PAIP2: variants seen among roughly 807,000 people sequenced by gnomAD.
PAIP2 encodes poly(A) binding protein interacting protein 2.
Under a neutral mutation model 14.8 loss-of-function variants are expected in PAIP2, and 7 were observed. The observed-to-expected ratio is 0.47, with a 90% CI of 0.27 to 0.89. PAIP2 has a LOEUF of 0.89. PAIP2 is among the 40% of genes least tolerant of loss of function. The probability of loss-of-function intolerance (pLI) is 0.13; values close to 1 mark genes in which losing one functional copy is unlikely to be tolerated. For synonymous variants in PAIP2, 47 were observed against 45.3 expected (o/e 1.04, Z -0.15); for missense variants, 122 against 154.7 (o/e 0.79, Z 1.12).
intron 1 of PAIP2, among the ~76,000 whole-genome samples, chr5:139,346,139 A>G (rs549199322): frequency 1.7e-4 from 26 of 152,376 alleles, no homozygotes; most frequent in African/African-American, 6.3e-4. Flanking sequence ...GCTGACTTCC[A>G]GGCAGTAGTA....
chr5:139,347,227 T>G (rs1439092855), intron 1 of PAIP2, among the ~76,000 whole-genome samples: 1 of 151,268 alleles, frequency 6.6e-6, no homozygotes, highest in African/African-American at 2.4e-5. Flanking sequence ...TACAACTAAT[T>G]TTTTTTTTAG....
chr5:139,353,813 G>A (rs1193613218), intron 1 of PAIP2, among the ~76,000 whole-genome samples: 2 of 151,298 alleles, frequency 1.3e-5, no homozygotes, highest in Non-Finnish European at 2.9e-5. Context: ...TCTGCCTCCC[G>A]GGTTCCAGCA....
At chr5:139,360,836 A>C (rs184893213) in intron 1 of PAIP2, among the ~76,000 whole-genome samples, 1,615 of 151,198 alleles carry the variant, frequency 0.011, 20 homozygotes, top group Non-Finnish European at 0.018. Context: ...GCTGAAGTGC[A>C]GTGATGTGAT....
At chr5:139,357,830 C>T (rs1480123174) in intron 1 of PAIP2, among the ~76,000 whole-genome samples, 1 of 151,968 alleles carries the variant, frequency 6.6e-6, no homozygotes, top group African/African-American at 2.4e-5. Context: ...GATTCCATCT[C>T]AAAAAAATAA....
intron 3 of PAIP2, among the ~76,000 whole-genome samples, chr5:139,366,236 G>A (rs1411255791): frequency 6.6e-6 from 1 of 151,330 alleles, no homozygotes; most frequent in Non-Finnish European, 1.5e-5. Flanking sequence ...CGGGGTGGGG[G>A]GAATTGTGAT....
chr5:139,352,192 A>T (rs866009883), intron 1 of PAIP2, among the ~76,000 whole-genome samples: 2 of 126,266 alleles, frequency 1.6e-5, no homozygotes, highest in Non-Finnish European at 3.8e-5. Context: ...ACACCAAAAC[A>T]CTTCTGGTTC....
chr5:139,362,403 G>GGGT (rs1757092539), intron 1 of PAIP2, among the ~76,000 whole-genome samples: 1 of 123,600 alleles, frequency 8.1e-6, no homozygotes, highest in Non-Finnish European at 1.7e-5. Flanking sequence ...TTGTTTTTGG[G>GGGT]TGTTTTTTTT....
chr5:139,366,704 C>G (rs1308768762), intron 3 of PAIP2, among the ~76,000 whole-genome samples: 1 of 152,120 alleles, frequency 6.6e-6, no homozygotes, highest in Non-Finnish European at 1.5e-5. Context: ...CTGGTTTGTT[C>G]TTCTCAGTCT....
chr5:139,346,763 C>T (rs953906601), intron 1 of PAIP2, among the ~76,000 whole-genome samples: 2 of 152,018 alleles, frequency 1.3e-5, no homozygotes, highest in African/African-American at 4.8e-5. Flanking sequence ...CTCTTGACCT[C>T]GTGATCCACC....
At chr5:139,353,926 TG>T (rs1382495312) in intron 1 of PAIP2, among the ~76,000 whole-genome samples, 8 of 152,180 alleles carry the variant, frequency 5.3e-5, no homozygotes, top group Non-Finnish European at 8.8e-5. Context: ...TTTGCCATGT[TG>T]GCCAGGCTGG....
intron 1 of PAIP2, among the ~76,000 whole-genome samples, chr5:139,347,895 A>G (rs900923401): frequency 2.2e-4 from 33 of 152,054 alleles, no homozygotes; most frequent in African/African-American, 7.7e-4. Flanking sequence ...CAACTCGGCC[A>G]GTGTGGTGGC....
In PAIP2 at chr5:139,363,970, A is replaced by G. The variant is rs369694499; in HGVS notation, c.138+48A>G. The stretch of plus-strand genomic sequence containing the variant: ...TTTTTATAGTCCATTCTGGCCCTCA[A>G]TATGATTGTACTTGTCCCTGAAATG... On this transcript the variant is annotated intron_variant, in intron 2 of 3. Transcript: ENST00000265192. 4.5e-5 allele frequency: 69 copies of G among 1,523,770 alleles called. No individual in the cohort carries two copies. The Middle Eastern group carries it at 6.9e-4, about 15-fold the overall frequency. 94.4% of individuals were successfully genotyped at this position (1,523,770 alleles called of 1,614,324 possible).
At chr5:139,362,499 C>T (rs1210076939) in intron 1 of PAIP2, among the ~76,000 whole-genome samples, 1 of 151,340 alleles carries the variant, frequency 6.6e-6, no homozygotes, top group African/African-American at 2.4e-5. Flanking sequence ...CAGCCTCCGC[C>T]TCCCGGGTTC....
chr5:139,356,617 C>T (rs775647382), intron 1 of PAIP2, among the ~76,000 whole-genome samples: 7 of 151,980 alleles, frequency 4.6e-5, no homozygotes, highest in African/African-American at 1.2e-4. Context: ...CGGTGACTTA[C>T]GCCTGTAATC....
intron 1 of PAIP2, among the ~76,000 whole-genome samples, chr5:139,348,127 C>G (rs1431653538): frequency 7.9e-6 from 1 of 126,030 alleles, no homozygotes; most frequent in East Asian, 2.3e-4. Context: ...GCCTGGGCAA[C>G]AGAGTGAGAC....
intron 3 of PAIP2, among the ~76,000 whole-genome samples, chr5:139,368,061 C>T (rs1022351147): frequency 6.6e-5 from 10 of 152,016 alleles, no homozygotes; most frequent in Admixed American, 5.9e-4. Flanking sequence ...TTAGGCCGGG[C>T]GCGGTGGCTT....
At chr5:139,345,866 A>T (rs1197277160) in intron 1 of PAIP2, among the ~76,000 whole-genome samples, 1 of 151,992 alleles carries the variant, frequency 6.6e-6, no homozygotes, top group Non-Finnish European at 1.5e-5. Flanking sequence ...TGACCTTGTG[A>T]TCCGCCCACC....
chr5:139,352,769 C>T (rs1561959209), intron 1 of PAIP2, among the ~76,000 whole-genome samples: 1 of 151,692 alleles, frequency 6.6e-6, no homozygotes, highest in African/African-American at 2.4e-5. Flanking sequence ...CCACGCCCAG[C>T]CTACCTGCCA....
At chr5:139,367,493 T>C (rs1015552339) in intron 3 of PAIP2, 2 of 151,848 alleles carry the variant, frequency 1.3e-5, no homozygotes, top group Non-Finnish European at 1.5e-5. Flanking sequence ...TTTTTTTAAC[T>C]GATGCAAAAA....
Sources: allele counts gnomAD v4.1 joint callset (sites outside exome capture counted in the v4.1 genomes callset), GRCh38; gene constraint gnomAD v4.1.1; transcripts MANE v1.5; gene names NCBI Gene and HGNC (gene_info 2026-07-23, HGNC 2026-07-21).